RAB27B: variants seen among roughly 807,000 people sequenced by gnomAD.
RAB27B encodes the protein RAB27B, member RAS oncogene family.
A neutral mutation model predicts 24.6 loss-of-function variants in RAB27B; 15 were observed. That is an observed-to-expected ratio of 0.61 (90% confidence interval 0.41 to 0.94). RAB27B has a LOEUF of 0.94. RAB27B is among the 40% of genes least tolerant of loss of function. The probability of loss-of-function intolerance (pLI) is 0.00; values close to 1 mark genes in which losing one functional copy is unlikely to be tolerated. For missense variants in RAB27B, 261 were observed against 266.8 expected, an observed-to-expected ratio of 0.98 and a Z score of 0.15; for synonymous variants, 105 against 92.5, an observed-to-expected ratio of 1.14 and a Z score of -0.78.
intron 2 of RAB27B, among the ~76,000 whole-genome samples, chr18:54,768,342 G>T (rs1328964198): frequency 1.3e-5 from 2 of 152,170 alleles, no homozygotes; most frequent in African/African-American, 4.8e-5. Flanking sequence ...TGGCTGCATG[G>T]TGAAAGGTAT....
intron 2 of RAB27B, among the ~76,000 whole-genome samples, chr18:54,806,183 A>G (rs1482573154): frequency 2.6e-5 from 4 of 152,034 alleles, no homozygotes; most frequent in African/African-American, 9.7e-5. Flanking sequence ...ACAGTTTTTG[A>G]AATATGTTGA....
In RAB27B at chr18:54,860,732, A is replaced by G. The variant is rs74374542; in HGVS notation, c.-19-16835A>G. Among the ~76,000 whole-genome samples the G allele has an allele frequency of 2.9e-3, 442 of 152,358 alleles. 1 individual carries two copies. Among genetic ancestry groups the G allele is most frequent in the Non-Finnish European group, 4.9e-3 (336 of 68,034 alleles). ...TTCTGTTCAGCTTCAAATCATGCAC[A>G]TCACAGAAGGAAAGTTCCAAGTCAG... On this transcript the variant is annotated intron_variant, in intron 1 of 5. Coordinates refer to ENST00000262094, the MANE Select transcript of RAB27B (RefSeq NM_004163.4).
chr18:54,850,353 TATATATAC>T (rs1374727775), intron 1 of RAB27B, among the ~76,000 whole-genome samples: 3 of 137,520 alleles, frequency 2.2e-5, no homozygotes, highest in African/African-American at 5.7e-5. Context: ...TATATATATA[TATATATAC>T]ATACATACAT....
intron 2 of RAB27B, among the ~76,000 whole-genome samples, chr18:54,746,398 C>T (rs1910249208): frequency 6.6e-6 from 1 of 152,142 alleles, no homozygotes; most frequent in Non-Finnish European, 1.5e-5. Flanking sequence ...TGTCAATAAT[C>T]TTTAAAGACT....
chr18:54,762,854 C>T (rs1908236131), intron 2 of RAB27B, among the ~76,000 whole-genome samples: 1 of 152,200 alleles, frequency 6.6e-6, no homozygotes. Context: ...AGTTTGCAGG[C>T]TCTGTGGCCA....
chr18:54,813,362 C>T (rs1014645088), intron 2 of RAB27B, among the ~76,000 whole-genome samples: 2 of 152,150 alleles, frequency 1.3e-5, no homozygotes, highest in Non-Finnish European at 2.9e-5. Flanking sequence ...GGATATTTGT[C>T]CCCTCCAAAT....
intron 1 of RAB27B, among the ~76,000 whole-genome samples, chr18:54,859,536 T>G (rs897194580): frequency 4.6e-5 from 7 of 151,476 alleles, no homozygotes. Context: ...ATTGTAGAAT[T>G]GGGAATGGCA....
At chr18:54,848,581 TAAAC>T (rs1911431231) in intron 1 of RAB27B, among the ~76,000 whole-genome samples, 1 of 152,114 alleles carries the variant, frequency 6.6e-6, no homozygotes, top group Non-Finnish European at 1.5e-5. Context: ...TTTAGAAGAG[TAAAC>T]AAAAATTTGA....
upstream of RAB27B, among the ~76,000 whole-genome samples, chr18:54,825,022 G>A (rs1399926065): frequency 6.6e-6 from 1 of 152,144 alleles, no homozygotes; most frequent in East Asian, 1.9e-4. Flanking sequence ...CACACAGGAT[G>A]TATATTTTTT....
chr18:54,841,241 A>G lies in RAB27B; in HGVS notation c.-20+12541A>G, dbSNP rs898579438. On this transcript the variant is annotated intron_variant, in intron 1 of 5. Transcript: ENST00000262094. ...GGTTCATTATCCATAGATTTAGCCAACTGCAGATAAGAAGTATTTGGGGAA... is the reference window on the plus strand; with the variant it reads ...GGTTCATTATCCATAGATTTAGCCAGCTGCAGATAAGAAGTATTTGGGGAA... Among the ~76,000 whole-genome samples, 4 of 151,028 alleles carry G rather than the reference A, an allele frequency of 2.6e-5. No individual in the cohort carries two copies. In the East Asian group the frequency reaches 5.9e-4, roughly 22 times the overall value.
chr18:54,844,408 C>CTTTTTTTTTTTTT lies in RAB27B; in HGVS notation c.-20+15714_-20+15726dup, dbSNP rs148747981. ...TTTCTTTCTTTCTTTCTTTTCTTTTCTTTTTTTTTTTTTTTTTTGATACAG... is the reference window on the plus strand; with the variant it reads ...TTTCTTTCTTTCTTTCTTTTCTTTTCTTTTTTTTTTTTTTTTTTTTTTTTTTTTTTTGATACAG... On this transcript the variant is annotated intron_variant, in intron 1 of 5. Transcript: ENST00000262094. 7.0e-4 allele frequency among the ~76,000 whole-genome samples: 75 copies of CTTTTTTTTTTTTT among 107,872 alleles called. 1 individual carries two copies. Among genetic ancestry groups the CTTTTTTTTTTTTT allele is most frequent in the African/African-American group, 9.1e-4 (27 of 29,736 alleles). 70.8% of individuals were successfully genotyped at this position (107,872 alleles called of 152,430 possible). A position where few individuals can be genotyped will look rare whatever the true frequency, so the allele number is the denominator to read the frequency against.
At chr18:54,803,065 A>G (rs1321930956) in intron 2 of RAB27B, among the ~76,000 whole-genome samples, 2 of 152,254 alleles carry the variant, frequency 1.3e-5, no homozygotes, top group African/African-American at 4.8e-5. Context: ...AAAAAGAAAT[A>G]CAATATTTCT....
rs544305779 is a variant in RAB27B at position 54,726,543 on chromosome 18, C to CA, written c.-20+8409dup. On this transcript the variant is annotated intron_variant, in intron 2 of 4. Coordinates refer to the RAB27B transcript ENST00000586570. Reference sequence around the variant, plus strand: ...GCAGAGTTGATTTCAAATTGTTTCACAAAAAAAGCCCTGTTAGGAAGTAGA... The same window carrying CA: ...GCAGAGTTGATTTCAAATTGTTTCACAAAAAAAAGCCCTGTTAGGAAGTAGA... Among the ~76,000 whole-genome samples, 212 of 151,182 alleles carry CA rather than the reference C, an allele frequency of 1.4e-3. 2 individuals carry two copies. The highest frequency in any genetic ancestry group is 4.9e-3 in the African/African-American group (201 of 41,286).
rs915356848 is a variant in RAB27B, at chr18:54,850,345, T to C, written c.-20+21645T>C. On this transcript the variant is annotated intron_variant, in intron 1 of 5. Transcript: ENST00000262094. ...AGCAAACAAACAGGATATATATATA[T>C]ATATATATATATATACATACATACA... Among the ~76,000 whole-genome samples the C allele has an allele frequency of 9.2e-5, 12 of 130,010 alleles. 2 individuals are homozygous for C. The highest frequency in any genetic ancestry group is 4.6e-4 in the Admixed American group (6 of 13,036). The allele number at this position is 130,010 out of a possible 152,430, so 85.3% of individuals were successfully genotyped here.
chr18:54,810,551 T>A (rs11664943), intron 2 of RAB27B, among the ~76,000 whole-genome samples: 10 of 151,664 alleles, frequency 6.6e-5, no homozygotes, highest in Non-Finnish European at 1.5e-4. Flanking sequence ...AAAATCAGGC[T>A]GGGTGCCAAG....
At chr18:54,749,830 G>GT (rs1263948669) in intron 2 of RAB27B, among the ~76,000 whole-genome samples, 4 of 151,982 alleles carry the variant, frequency 2.6e-5, no homozygotes, top group African/African-American at 7.2e-5. Context: ...GGGGTTGGTT[G>GT]TTTTTTTGTT....
chr18:54,770,329 CCTGT>C (rs2145068340), intron 2 of RAB27B, among the ~76,000 whole-genome samples: 1 of 152,194 alleles, frequency 6.6e-6, no homozygotes, highest in African/African-American at 2.4e-5. Flanking sequence ...AGCTCCACCT[CCTGT>C]CTGATTGGCA....
At chr18:54,797,957 G>A (rs916571868) in intron 2 of RAB27B, among the ~76,000 whole-genome samples, 4 of 152,066 alleles carry the variant, frequency 2.6e-5, no homozygotes, top group Admixed American at 6.5e-5. Flanking sequence ...TTAAGTATTA[G>A]TGTCAGCTCT....
chr18:54,853,078 G>C (rs1015881052), intron 1 of RAB27B, among the ~76,000 whole-genome samples: 5 of 152,142 alleles, frequency 3.3e-5, no homozygotes, highest in African/African-American at 1.2e-4. Context: ...GTTTTCCTCT[G>C]TCTCCATCTT....
Sources: gnomAD v4.1 joint callset for allele counts (sites outside exome capture counted in the v4.1 genomes callset) on GRCh38, gnomAD v4.1.1 for gene constraint, MANE v1.5 for transcripts, NCBI Gene and HGNC (gene_info 2026-07-23, HGNC 2026-07-21) for gene names.